Variants in SCFD1 observed in about 807,000 individuals in gnomAD.
SCFD1 encodes sec1 family domain containing 1.
SCFD1 carries 37 observed loss-of-function variants against 103.2 expected under a neutral mutation model. The observed-to-expected ratio is 0.36, with a 90% CI of 0.28 to 0.47. The LOEUF is 0.47. Ranked by LOEUF, SCFD1 falls within the 20% of genes least tolerant of loss-of-function variation. SCFD1 has a pLI of 1.00. For synonymous variants in SCFD1, 264 were observed against 245.0 expected (o/e 1.08, Z -0.73); for missense variants, 639 against 761.2 (o/e 0.84, Z 1.89).
chr14:30,697,862 G>A (rs183840206), intron 15 of SCFD1, among the ~76,000 whole-genome samples: 68 of 152,320 alleles, frequency 4.5e-4, no homozygotes, highest in African/African-American at 1.6e-3. Context: ...AAAGAGGCAT[G>A]ACAACTGTAT....
At chr14:30,706,461 T>G (rs560831064) in intron 18 of SCFD1, among the ~76,000 whole-genome samples, 7 of 152,368 alleles carry the variant, frequency 4.6e-5, no homozygotes, top group African/African-American at 1.7e-4. Flanking sequence ...GTCTTCTCGA[T>G]GGTTTTTATT....
chr14:30,690,974 A>C (rs1407777444), intron 14 of SCFD1, among the ~76,000 whole-genome samples: 1 of 152,154 alleles, frequency 6.6e-6, no homozygotes, highest in Admixed American at 6.5e-5. Context: ...TTTTGAGCCC[A>C]TGTTGTAGAA....
At chr14:30,664,815 C>T (rs1028516282) in intron 10 of SCFD1, among the ~76,000 whole-genome samples, 7 of 151,910 alleles carry the variant, frequency 4.6e-5, no homozygotes, top group East Asian at 1.9e-4. Flanking sequence ...ATCAAATTAA[C>T]GATATGAAAC....
At chr14:30,639,470 T>C (rs1245021534) in intron 5 of SCFD1, among the ~76,000 whole-genome samples, 1 of 152,242 alleles carries the variant, frequency 6.6e-6, no homozygotes, top group Non-Finnish European at 1.5e-5. Flanking sequence ...GTATGTTTTC[T>C]TCAAAATTGA....
chr14:30,678,457 C>T (rs1443716761), intron 14 of SCFD1, among the ~76,000 whole-genome samples: 1 of 152,084 alleles, frequency 6.6e-6, no homozygotes, highest in African/African-American at 2.4e-5. Context: ...GTTGAATACT[C>T]ATTTGTTTTG....
intron 14 of SCFD1, 31 bp from the exon 15 acceptor site, chr14:30,694,742 A>G (rs1187838001): frequency 6.4e-7 from 1 of 1,558,462 alleles, no homozygotes; most frequent in Non-Finnish European, 8.6e-7. Context: ...ATGACTTAAT[A>G]TATTCTCATC....
intron 7 of SCFD1, among the ~76,000 whole-genome samples, chr14:30,644,200 A>G (rs1020960090): frequency 3.3e-5 from 5 of 152,132 alleles, no homozygotes; most frequent in African/African-American, 1.2e-4. Context: ...ATGGCTCTAT[A>G]AGTATTCCAT....
intron 20 of SCFD1, among the ~76,000 whole-genome samples, chr14:30,718,415 A>G (rs1892431810): frequency 1.3e-5 from 2 of 152,216 alleles, no homozygotes; most frequent in Non-Finnish European, 2.9e-5. Context: ...CTCAAGGCAT[A>G]TTATTGCAGA....
rs1419569413 is a variant in SCFD1 at position 30,670,432 on chromosome 14, T to G, written c.995+37T>G. The G allele has an allele frequency of 7.6e-6, 11 of 1,444,346 alleles. No individual in the cohort carries two copies. In the South Asian group the frequency reaches 1.5e-4, roughly 20 times the overall value. 89.5% of individuals were successfully genotyped at this position (1,444,346 alleles called of 1,614,324 possible). A position where few individuals can be genotyped will look rare whatever the true frequency, so the allele number is the denominator to read the frequency against. ...ATCAATAAGTAAAAGATTCATTTTT[T>G]TAAAGAGAAATTAAGGTGTCATCCA... On this transcript the variant is annotated intron_variant, in intron 11 of 24. Transcript: ENST00000458591.
intron 23 of SCFD1, among the ~76,000 whole-genome samples, chr14:30,731,913 G>A (rs1221358283): frequency 6.6e-6 from 1 of 152,086 alleles, no homozygotes; most frequent in Non-Finnish European, 1.5e-5. Flanking sequence ...GGTGAGAGAG[G>A]GCATCCCTGT....
intron 6 of SCFD1, among the ~76,000 whole-genome samples, chr14:30,643,104 T>C (rs549069307): frequency 2.6e-4 from 40 of 152,134 alleles, no homozygotes; most frequent in Non-Finnish European, 3.5e-4. Flanking sequence ...GCCCAGGAGG[T>C]TGAGGCTGCA....
At chr14:30,642,812 G>C (rs1221791899) in intron 6 of SCFD1, among the ~76,000 whole-genome samples, 1 of 152,102 alleles carries the variant, frequency 6.6e-6, no homozygotes, top group Non-Finnish European at 1.5e-5. Flanking sequence ...AAGGTAGTTT[G>C]TTGTGGTTAT....
intron 10 of SCFD1, among the ~76,000 whole-genome samples, chr14:30,654,181 CAAAT>C (rs1195702355): frequency 1.3e-5 from 2 of 152,162 alleles, no homozygotes; most frequent in Admixed American, 1.3e-4. Context: ...AATAGGTACA[CAAAT>C]AATTTCTCTA....
chr14:30,725,593 G>C lies in SCFD1; in HGVS notation c.1836+3034G>C, dbSNP rs913381877. ...CTTAAGAAGCTTTTGGGCTGAGACT[G>C]TGTGGGCTTTTCTAAATATAGGATC... On this transcript the variant is annotated intron_variant, in intron 23 of 24. Transcript: ENST00000458591. 2.0e-5 allele frequency among the ~76,000 whole-genome samples: 3 copies of C among 152,138 alleles called. No individual in the cohort carries two copies. In the South Asian group the frequency reaches 6.2e-4, roughly 32 times the overall value.
At chr14:30,715,845 C>T (rs1892243387) in intron 19 of SCFD1, 79 bp from the exon 20 acceptor site, 1 of 738,444 alleles carries the variant, frequency 1.4e-6, no homozygotes, top group East Asian at 2.7e-5. Context: ...GCATACTTAA[C>T]TGTAGAATGA....
rs1892674571 is a variant in SCFD1 at position 30,721,884 on chromosome 14, C to T, written c.1737C>T (p.Ser579=). ...TCATTACGGTTTTTCTTTATTACAGCTCAGTTCCCAGAAATAAAAATCCAT... is the reference window on the plus strand; with the variant it reads ...TCATTACGGTTTTTCTTTATTACAGTTCAGTTCCCAGAAATAAAAATCCAT... ...FDPKMLRGND[S]SVPRNKNPFQ... is the part of the protein sequence containing the mutation. Residue 579 remains serine (S), a splice_region_variant and synonymous_variant, in exon 22 of 25, where the codon AGC becomes AGT. Coordinates refer to ENST00000458591, the MANE Select transcript of SCFD1 (RefSeq NM_016106.4). 1.2e-6 allele frequency: 2 copies of T among 1,607,690 alleles called. No individual in the cohort carries two copies. The highest frequency in any genetic ancestry group is 1.7e-5 in the Admixed American group (1 of 59,514).
intron 24 of SCFD1, chr14:30,735,185 AT>A: frequency 3.4e-6 from 1 of 291,022 alleles, no homozygotes; most frequent in East Asian, 7.0e-5. Context: ...GTTAGCACTA[AT>A]TTTTTTAATT....
At chr14:30,625,085 TTTTTA>T (rs1486419253) in intron 1 of SCFD1, among the ~76,000 whole-genome samples, 12 of 152,338 alleles carry the variant, frequency 7.9e-5, no homozygotes, top group Admixed American at 1.3e-4. Flanking sequence ...TTTTACTTTT[TTTTTA>T]TTTTATTTTT....
intron 15 of SCFD1, among the ~76,000 whole-genome samples, chr14:30,696,224 C>A (rs533924491): frequency 2.2e-4 from 34 of 152,248 alleles, no homozygotes; most frequent in Non-Finnish European, 4.7e-4. Flanking sequence ...TTTATACAAA[C>A]ATCTGAGAAG....
Sources: gnomAD v4.1 joint callset for allele counts (sites outside exome capture counted in the v4.1 genomes callset) on GRCh38, gnomAD v4.1.1 for gene constraint, MANE v1.5 for transcripts, NCBI Gene and HGNC (gene_info 2026-07-23, HGNC 2026-07-21) for gene names.